The following TREML4 variants were observed in gnomAD, a reference collection of about 807,000 sequenced individuals.
The protein encoded by TREML4 is triggering receptor expressed on myeloid cells like 4.
In TREML4, 25 loss-of-function variants were observed where a neutral mutation model predicts 25.4. The observed-to-expected ratio is 0.98, with a 90% CI of 0.72 to 1.37. The LOEUF (loss-of-function observed/expected upper bound fraction) is 1.37. Ranked by LOEUF, TREML4 falls within the 40% of genes most tolerant of loss-of-function variation. The probability of loss-of-function intolerance (pLI) is 0.00; values close to 1 mark genes in which losing one functional copy is unlikely to be tolerated. For synonymous variants in TREML4, 92 were observed against 87.9 expected (o/e 1.05, Z -0.26); for missense variants, 268 against 236.5 (o/e 1.13, Z -0.87).
chr6:41,235,825 T>A (rs1248721479), intron 4 of TREML4, among the ~76,000 whole-genome samples: 1 of 152,124 alleles, frequency 6.6e-6, no homozygotes, highest in Admixed American at 6.5e-5. Flanking sequence ...GGAAGATACA[T>A]GAGTAGCTAA....
chr6:41,230,075 T>G lies in TREML4; in HGVS notation c.459T>G (p.Ser153=). The G allele has an allele frequency of 6.2e-7, 1 of 1,611,460 alleles. No homozygotes were observed. Residue 153 remains serine, a synonymous_variant, in exon 4 of 6, where the codon TCT becomes TCG. Coordinates refer to ENST00000341495, the MANE Select transcript of TREML4 (RefSeq NM_198153.3). Reference sequence around the variant, plus strand: ...TGTCCTCTTTAGTTCTGATCACTTCTCCAGAGGGGACCTCTGGCCATCCCT... The same window carrying G: ...TGTCCTCTTTAGTTCTGATCACTTCGCCAGAGGGGACCTCTGGCCATCCCT... ...WLPTSTVLIT[S]PEGTSGHPSI...
At chr6:41,230,914 G>T (rs1366762671) in intron 4 of TREML4, among the ~76,000 whole-genome samples, 1 of 152,158 alleles carries the variant, frequency 6.6e-6, no homozygotes, top group Non-Finnish European at 1.5e-5. Flanking sequence ...TCCATAGCTT[G>T]CATTACTGCC....
intron 4 of TREML4, among the ~76,000 whole-genome samples, chr6:41,235,469 T>C (rs1766876646): frequency 6.6e-6 from 1 of 151,924 alleles, no homozygotes; most frequent in Non-Finnish European, 1.5e-5. Context: ...CACAAGAGAG[T>C]TTAGCAAGGC....
chr6:41,229,343 C>T (rs996445480), intron 2 of TREML4, among the ~76,000 whole-genome samples, 178 bp from the exon 3 acceptor site: 7 of 152,198 alleles, frequency 4.6e-5, no homozygotes, highest in Non-Finnish European at 8.8e-5. Flanking sequence ...TCTTTTCACA[C>T]ACACACTAAC....
intron 5 of TREML4, 96 bp from the exon 6 acceptor site, chr6:41,236,959 G>A (rs113191572): frequency 0.016 from 2,798 of 177,872 alleles, 90 homozygotes; most frequent in African/African-American, 0.062. Flanking sequence ...GGGGAGGGGC[G>A]GGAAGAGGAG....
chr6:41,230,874 C>T, intron 4 of TREML4, among the ~76,000 whole-genome samples: 1 of 152,146 alleles, frequency 6.6e-6, no homozygotes, highest in Non-Finnish European at 1.5e-5. Context: ...AGTGGTGAGC[C>T]ACTGAAGTTC....
Position 41,237,549 on chromosome 6 carries a change from G to A in TREML4, c.*530G>A, listed in dbSNP as rs1766928082. ...TTAAATTCAACCTCTGAACTGAAAT[G>A]TGTCAGGGGCAGCTGAGCAAGACAG... On this transcript the variant is annotated 3_prime_UTR_variant, in exon 6 of 6. Coordinates refer to ENST00000341495, the MANE Select transcript of TREML4 (RefSeq NM_198153.3). The A allele has an allele frequency of 6.6e-6, 1 of 152,164 alleles. No individual in the cohort carries two copies. Among genetic ancestry groups the A allele is most frequent in the Non-Finnish European group, 1.5e-5 (1 of 68,058 alleles). The allele number at this position is 152,164 out of a possible 1,614,324, so 9.4% of individuals were successfully genotyped here. A position where few individuals can be genotyped will look rare whatever the true frequency, so the allele number is the denominator to read the frequency against.
At chr6:41,228,559 C>A (rs976492510) in intron 1 of TREML4, 69 bp downstream of exon 1, 1 of 1,547,670 alleles carries the variant, frequency 6.5e-7, no homozygotes. Flanking sequence ...CAGGGAGCAG[C>A]ATGGCTGTGT....
chr6:41,235,170 T>C (rs1463276324), intron 4 of TREML4, among the ~76,000 whole-genome samples: 1 of 152,026 alleles, frequency 6.6e-6, no homozygotes, highest in African/African-American at 2.4e-5. Context: ...ATTTATGTTA[T>C]CTGAAAAAGC....
rs1168309895 is a variant in TREML4, at chr6:41,238,384, C to A, written c.*1365C>A. ...TTACATAAAAGAAATTGTGATAGACCTTTTTCATATGCTTGTCTTACTCCT... is the reference window on the plus strand; with the variant it reads ...TTACATAAAAGAAATTGTGATAGACATTTTTCATATGCTTGTCTTACTCCT... On this transcript the variant is annotated 3_prime_UTR_variant, in exon 6 of 6. Transcript: ENST00000341495. 1 of 151,864 alleles carries A rather than the reference C, an allele frequency of 6.6e-6. No homozygotes were observed. Among genetic ancestry groups the A allele is most frequent in the Admixed American group, 6.6e-5 (1 of 15,242 alleles). The allele number at this position is 151,864 out of a possible 1,614,324, so 9.4% of individuals were successfully genotyped here.
chr6:41,234,902 T>A (rs1193892299), intron 4 of TREML4, among the ~76,000 whole-genome samples: 2 of 151,628 alleles, frequency 1.3e-5, no homozygotes, highest in Admixed American at 6.6e-5. Flanking sequence ...ATCTCAGAAC[T>A]AATTAAAGGA....
In TREML4 at chr6:41,229,530, CG is replaced by C; in HGVS notation, c.405del (p.Ser136LeufsTer15). 6.2e-7 allele frequency: 1 copy of C among 1,613,902 alleles called. No individual in the cohort carries two copies. Among genetic ancestry groups the C allele is most frequent in the Non-Finnish European group, 8.5e-7 (1 of 1,179,930 alleles). ...ISLVVSPAPT[T>X]SPMWTLPWLP... ...TGTCTTTTCTCTTTAGCCCCAACCACGTCTCCTATGTGGACTCTTCCCTGGC... is the reference window on the plus strand; with the variant it reads ...TGTCTTTTCTCTTTAGCCCCAACCACTCTCCTATGTGGACTCTTCCCTGGC... On this transcript the variant is annotated frameshift_variant, in exon 3 of 6. Coordinates refer to ENST00000341495, the MANE Select transcript of TREML4 (RefSeq NM_198153.3). LOFTEE classifies it high-confidence loss of function.
At chr6:41,234,604 A>C (rs918821759) in intron 4 of TREML4, among the ~76,000 whole-genome samples, 2 of 152,106 alleles carry the variant, frequency 1.3e-5, no homozygotes, top group Non-Finnish European at 2.9e-5. Flanking sequence ...ATAAATCCTG[A>C]ATAAAATCTT....
chr6:41,229,923 G>A lies in TREML4; in HGVS notation c.446-139G>A, dbSNP rs904993895. 15 of 734,404 alleles carry A rather than the reference G, an allele frequency of 2.0e-5. No individual in the cohort carries two copies. In the Admixed American group the frequency reaches 3.1e-4, roughly 15 times the overall value. The allele number at this position is 734,404 out of a possible 1,614,324, so 45.5% of individuals were successfully genotyped here. On this transcript the variant is annotated intron_variant, in intron 3 of 5. Transcript: ENST00000341495. ...CTTCAGCTGGTTATGGAGATCTCAGGCCTCAGTTACCCTTAGCCTGAGGGA... is the reference window on the plus strand; with the variant it reads ...CTTCAGCTGGTTATGGAGATCTCAGACCTCAGTTACCCTTAGCCTGAGGGA...
Position 41,230,061 on chromosome 6 carries a change from G to A in TREML4, c.446-1G>A, listed in dbSNP as rs750712895. 2 of 1,610,494 alleles carry A rather than the reference G, an allele frequency of 1.2e-6. No individual in the cohort carries two copies. The highest frequency in any genetic ancestry group is 1.7e-6 in the Non-Finnish European group (2 of 1,176,728). On this transcript the variant is annotated splice_acceptor_variant, in intron 3 of 5. Coordinates refer to ENST00000341495, the MANE Select transcript of TREML4 (RefSeq NM_198153.3). LOFTEE classifies it high-confidence loss of function. ...CACTGTCTTCTTTGTGTCCTCTTTA[G>A]TTCTGATCACTTCTCCAGAGGGGAC...
At chr6:41,232,300 A>G in intron 4 of TREML4, 1 of 365,798 alleles carries the variant, frequency 2.7e-6, no homozygotes, top group South Asian at 2.0e-5. Flanking sequence ...CGCTGCTAGA[A>G]GTGAGGGAGT....
At chr6:41,236,278 G>A (rs375801643) in intron 4 of TREML4, among the ~76,000 whole-genome samples, 45 of 152,064 alleles carry the variant, frequency 3.0e-4, no homozygotes, top group Non-Finnish European at 5.0e-4. Flanking sequence ...TTTTTCCTCC[G>A]TTCAAGACTT....
Position 41,230,067 on chromosome 6 carries a change from A to G in TREML4, c.451A>G (p.Ile151Val). 1 of 1,610,918 alleles carries G rather than the reference A, an allele frequency of 6.2e-7. No homozygotes were observed. Among genetic ancestry groups the G allele is most frequent in the Non-Finnish European group, 8.5e-7 (1 of 1,177,280 alleles). Residue 151 changes from isoleucine to valine, a missense_variant, in exon 4 of 6, where the codon ATC (isoleucine) becomes GTC (valine). Transcript: ENST00000341495. ...LPWLPTSTVL[I>V]TSPEGTSGHP... ...CTTCTTTGTGTCCTCTTTAGTTCTGATCACTTCTCCAGAGGGGACCTCTGG... is the reference window on the plus strand; with the variant it reads ...CTTCTTTGTGTCCTCTTTAGTTCTGGTCACTTCTCCAGAGGGGACCTCTGG...
chr6:41,230,192 G>A (rs1225536959), intron 4 of TREML4, 70 bp downstream of exon 4: 2 of 1,318,068 alleles, frequency 1.5e-6, no homozygotes, highest in Admixed American at 3.4e-5. Context: ...CCTGAACCTT[G>A]GAATCAAGTC....
Sources: allele counts gnomAD v4.1 joint callset (sites outside exome capture counted in the v4.1 genomes callset), GRCh38; gene constraint gnomAD v4.1.1; transcripts MANE v1.5; gene names NCBI Gene and HGNC (gene_info 2026-07-23, HGNC 2026-07-21).